POU6F2: variants seen among roughly 807,000 people sequenced by gnomAD.
The protein encoded by POU6F2 is POU domain, class 6, transcription factor 2.
In POU6F2, 31 loss-of-function variants were observed where a neutral mutation model predicts 71.3. That is an observed-to-expected ratio of 0.43 (90% CI 0.33 to 0.59). The LOEUF (loss-of-function observed/expected upper bound fraction) is 0.59. Among genes scored for constraint, POU6F2 ranks in the 20% least tolerant of loss-of-function variants. POU6F2 has a pLI of 0.04. For synonymous variants in POU6F2, 347 were observed against 355.7 expected, an observed-to-expected ratio of 0.98 and a Z score of 0.27; for missense variants, 783 against 856.8, an observed-to-expected ratio of 0.91 and a Z score of 1.07.
intron 2 of POU6F2, among the ~76,000 whole-genome samples, chr7:39,142,804 G>T (rs916150140): frequency 6.6e-6 from 1 of 152,104 alleles, no homozygotes; most frequent in African/African-American, 2.4e-5. Flanking sequence ...ATTCATTCCC[G>T]AGTTAATGAA....
At chr7:39,126,229 G>A (rs778909009) in intron 2 of POU6F2, among the ~76,000 whole-genome samples, 7 of 152,186 alleles carry the variant, frequency 4.6e-5, no homozygotes, top group South Asian at 2.1e-4. Flanking sequence ...AGCACTGTGG[G>A]CATGCTTATA....
At chr7:39,377,904 G>A (rs1786742743) in intron 5 of POU6F2, among the ~76,000 whole-genome samples, 3 of 152,194 alleles carry the variant, frequency 2.0e-5, no homozygotes, top group Admixed American at 2.0e-4. Context: ...GTACCTCTAA[G>A]AAGAGCTGGT....
chr7:39,425,285 G>A (rs1184129106), intron 6 of POU6F2, among the ~76,000 whole-genome samples: 1 of 151,794 alleles, frequency 6.6e-6, no homozygotes, highest in Admixed American at 6.6e-5. Flanking sequence ...TCAAGAGCGT[G>A]TTTGGGAGTT....
chr7:39,067,955 C>T (rs940045769), intron 1 of POU6F2, among the ~76,000 whole-genome samples: 1 of 152,100 alleles, frequency 6.6e-6, no homozygotes, highest in African/African-American at 2.4e-5. Flanking sequence ...CATAAATTTT[C>T]CACCACCTGA....
At chr7:39,407,380 T>C (rs1787457281) in intron 6 of POU6F2, among the ~76,000 whole-genome samples, 1 of 151,092 alleles carries the variant, frequency 6.6e-6, no homozygotes, top group African/African-American at 2.4e-5. Flanking sequence ...ACTTTCCTCA[T>C]GTCATGAGAG....
intron 6 of POU6F2, among the ~76,000 whole-genome samples, chr7:39,410,077 G>A (rs1009806144): frequency 1.1e-4 from 16 of 152,236 alleles, no homozygotes; most frequent in Admixed American, 1.0e-3. Flanking sequence ...GCCAGGCATG[G>A]TGGCTCATGC....
intron 2 of POU6F2, among the ~76,000 whole-genome samples, chr7:39,112,765 C>G (rs1414776429): frequency 6.6e-6 from 1 of 152,134 alleles, no homozygotes; most frequent in East Asian, 1.9e-4. Context: ...TTAGGCTTGG[C>G]TACGTAGCTA....
chr7:39,358,872 T>TA (rs1339646216), intron 5 of POU6F2, among the ~76,000 whole-genome samples: 3 of 102,776 alleles, frequency 2.9e-5, no homozygotes, highest in South Asian at 3.5e-4. Flanking sequence ...ACTTCTGTAT[T>TA]TAAAAAAAAA....
chr7:39,287,163 A>G (rs1784665713), intron 4 of POU6F2, among the ~76,000 whole-genome samples: 1 of 152,190 alleles, frequency 6.6e-6, no homozygotes, highest in African/African-American at 2.4e-5. Flanking sequence ...TAATAGCCCA[A>G]CAAGCAATGT....
chr7:39,123,651 C>T (rs1451428487), intron 2 of POU6F2, among the ~76,000 whole-genome samples: 2 of 152,134 alleles, frequency 1.3e-5, no homozygotes, highest in African/African-American at 2.4e-5. Context: ...AACAGCACTT[C>T]TATTATCTCT....
chr7:39,181,635 T>C (rs527584229), intron 2 of POU6F2, among the ~76,000 whole-genome samples: 1 of 152,288 alleles, frequency 6.6e-6, no homozygotes, highest in South Asian at 2.1e-4. Flanking sequence ...TCTTCAACTA[T>C]CCTGTTACTT....
chr7:39,251,926 T>A (rs977638530), intron 4 of POU6F2, among the ~76,000 whole-genome samples: 1 of 152,046 alleles, frequency 6.6e-6, no homozygotes, highest in Non-Finnish European at 1.5e-5. Context: ...GGGAGAAAAG[T>A]AAAGGGACTC....
intron 4 of POU6F2, among the ~76,000 whole-genome samples, chr7:39,315,659 A>G (rs1199596214): frequency 2.6e-5 from 4 of 152,012 alleles, no homozygotes; most frequent in Non-Finnish European, 4.4e-5. Flanking sequence ...TTCTCCTTCA[A>G]ACTCTCCCAC....
intron 2 of POU6F2, among the ~76,000 whole-genome samples, chr7:39,109,530 C>T (rs942454649): frequency 6.6e-6 from 1 of 152,196 alleles, no homozygotes; most frequent in Admixed American, 6.5e-5. Flanking sequence ...TCCAATGAGG[C>T]ATCCTTCCAT....
chr7:39,245,812 C>A (rs544871006), intron 4 of POU6F2, among the ~76,000 whole-genome samples: 1 of 152,144 alleles, frequency 6.6e-6, no homozygotes, highest in Non-Finnish European at 1.5e-5. Context: ...AAGAAGACCA[C>A]GTAATTTGAC....
chr7:39,258,265 A>G (rs904610142), intron 4 of POU6F2, among the ~76,000 whole-genome samples: 1 of 152,226 alleles, frequency 6.6e-6, no homozygotes, highest in African/African-American at 2.4e-5. Context: ...ACCCAGAGGC[A>G]ACAGCACTAT....
At chr7:39,009,918 G>T (rs988830378) in intron 1 of POU6F2, among the ~76,000 whole-genome samples, 3 of 151,568 alleles carry the variant, frequency 2.0e-5, no homozygotes, top group Non-Finnish European at 4.4e-5. Flanking sequence ...TGCTGGATTC[G>T]GTTTGCCAGT....
intron 2 of POU6F2, among the ~76,000 whole-genome samples, chr7:39,092,943 C>T (rs908100041): frequency 7.2e-5 from 11 of 152,086 alleles, no homozygotes; most frequent in Non-Finnish European, 1.5e-4. Flanking sequence ...TTAAAACTAC[C>T]TAACCAAGAT....
At chr7:39,299,065 T>C (rs1784904872) in intron 4 of POU6F2, among the ~76,000 whole-genome samples, 1 of 152,066 alleles carries the variant, frequency 6.6e-6, no homozygotes, top group African/African-American at 2.4e-5. Flanking sequence ...ATGTGGGACT[T>C]AAAACCTAGA....
Sources: allele counts gnomAD v4.1 joint callset (sites outside exome capture counted in the v4.1 genomes callset), GRCh38; gene constraint gnomAD v4.1.1; transcripts MANE v1.5; gene names NCBI Gene and HGNC (gene_info 2026-07-23, HGNC 2026-07-21).